CCDC33: variants seen among roughly 807,000 people sequenced by gnomAD.
The protein encoded by CCDC33 is coiled-coil domain containing 33, also known as coiled-coil domain-containing protein 33.
CCDC33 carries 94 observed loss-of-function variants against 91.9 expected under a neutral mutation model. The ratio of observed to expected loss-of-function variants is 1.02; its 90% CI spans 0.87 to 1.21. The LOEUF (loss-of-function observed/expected upper bound fraction) is 1.21. CCDC33 is among the 50% of genes most tolerant of loss of function. The probability of loss-of-function intolerance (pLI) is 0.00; values close to 1 mark genes in which losing one functional copy is unlikely to be tolerated. For missense variants in CCDC33, 940 were observed against 935.5 expected, an observed-to-expected ratio of 1.00 and a Z score of -0.06; for synonymous variants, 396 against 374.5, an observed-to-expected ratio of 1.06 and a Z score of -0.66.
intron 1 of CCDC33, among the ~76,000 whole-genome samples, chr15:74,205,677 C>T (rs2142103394): frequency 6.6e-6 from 1 of 152,340 alleles, no homozygotes; most frequent in East Asian, 1.9e-4. Context: ...GAAGGAGCCT[C>T]CATCTGCCCA....
chr15:74,270,151 G>C (rs1041025923), intron 5 of CCDC33, among the ~76,000 whole-genome samples: 1 of 152,210 alleles, frequency 6.6e-6, no homozygotes. Context: ...ACTATTGTAC[G>C]TGCCCATCAG....
At chr15:74,292,849 G>C (rs1489551786) in intron 10 of CCDC33, among the ~76,000 whole-genome samples, 1 of 152,160 alleles carries the variant, frequency 6.6e-6, no homozygotes, top group Non-Finnish European at 1.5e-5. Context: ...ACTCTGCCTT[G>C]CCTGCCCTCC....
chr15:74,216,058 G>T (rs116223916), upstream of CCDC33, among the ~76,000 whole-genome samples: 1,346 of 152,266 alleles, frequency 8.8e-3, 16 homozygotes, highest in African/African-American at 0.03. Context: ...TGGCCCTAGG[G>T]CAGAAGCAAC....
intron 11 of CCDC33, among the ~76,000 whole-genome samples, chr15:74,296,161 TC>T (rs2059682503): frequency 6.6e-6 from 1 of 152,232 alleles, no homozygotes; most frequent in Non-Finnish European, 1.5e-5. Context: ...TGAGTGGAAC[TC>T]CCGTGTAATT....
At chr15:74,305,260 G>A (rs2059872720) in intron 11 of CCDC33, among the ~76,000 whole-genome samples, 1 of 151,930 alleles carries the variant, frequency 6.6e-6, no homozygotes, top group African/African-American at 2.4e-5. Flanking sequence ...ACCTGCTTCT[G>A]AGGACTATGC....
intron 16 of CCDC33, chr15:74,333,240 G>C: frequency 2.5e-6 from 4 of 1,598,772 alleles, no homozygotes; most frequent in Non-Finnish European, 3.4e-6. Flanking sequence ...GGGGAGTTGG[G>C]AGCAGGAGGA....
chr15:74,264,490 T>C (rs1460555665), intron 3 of CCDC33, among the ~76,000 whole-genome samples: 1 of 152,060 alleles, frequency 6.6e-6, no homozygotes, highest in African/African-American at 2.4e-5. Context: ...CACACAGAGC[T>C]CCAGGAATAG....
At chr15:74,287,291 G>C (rs888766806) in intron 10 of CCDC33, among the ~76,000 whole-genome samples, 1 of 152,104 alleles carries the variant, frequency 6.6e-6, no homozygotes, top group African/African-American at 2.4e-5. Flanking sequence ...ACTACCATAA[G>C]GATGGATCCA....
chr15:74,336,412 G>A (rs1308607627), downstream of CCDC33: 1 of 1,310,050 alleles, frequency 7.6e-7, no homozygotes, highest in East Asian at 5.1e-5. Context: ...GAAATACGAG[G>A]GAGGCTTGTC....
intron 4 of CCDC33, among the ~76,000 whole-genome samples, chr15:74,267,213 CTG>C (rs1328983765): frequency 1.3e-5 from 2 of 152,212 alleles, no homozygotes; most frequent in Admixed American, 6.5e-5. Context: ...GGACTGGGAC[CTG>C]GGGAGAAAAA....
At chr15:74,221,337 A>G (rs570588341) in intron 2 of CCDC33, 11 of 978,582 alleles carry the variant, frequency 1.1e-5, no homozygotes, top group African/African-American at 5.3e-5. Context: ...CCAGAATGAG[A>G]AGGAAGCGGA....
At chr15:74,333,359 C>T (rs1199285489) in intron 16 of CCDC33, 1 of 1,490,534 alleles carries the variant, frequency 6.7e-7, no homozygotes, top group Non-Finnish European at 9.2e-7. Flanking sequence ...CCAGGCCCTG[C>T]TCCACCTCTG....
intron 9 of CCDC33, 25 bp downstream of exon 9, chr15:74,280,826 C>A: frequency 1.4e-6 from 2 of 1,446,646 alleles, no homozygotes; most frequent in Non-Finnish European, 1.8e-6. Context: ...CTGAACTGGG[C>A]CCCTAGCGTG....
rs1033897679 is a variant in CCDC33, at chr15:74,205,241, C to T, written n.89+2143C>T. Among the ~76,000 whole-genome samples, 5 of 152,076 alleles carry T rather than the reference C, an allele frequency of 3.3e-5. No homozygotes were observed. The East Asian group carries it at 9.6e-4, about 29-fold the overall frequency. Reference sequence around the variant, plus strand: ...AGTTGGGCACTGTGTTCATCTGTTTCGCATTGCTGTGAAGGAAAACCTGAC... The same window carrying T: ...AGTTGGGCACTGTGTTCATCTGTTTTGCATTGCTGTGAAGGAAAACCTGAC... On this transcript the variant is annotated intron_variant and non_coding_transcript_variant, in intron 1 of 3. Coordinates refer to the CCDC33 transcript ENST00000558645.
At chr15:74,323,002 C>T (rs1021601495) in intron 11 of CCDC33, among the ~76,000 whole-genome samples, 1 of 152,142 alleles carries the variant, frequency 6.6e-6, no homozygotes, top group Non-Finnish European at 1.5e-5. Flanking sequence ...AGAGTGAAGC[C>T]CCTCCCCGCT....
intron 2 of CCDC33, among the ~76,000 whole-genome samples, chr15:74,254,744 CT>C (rs756927130): frequency 1.8e-3 from 223 of 126,392 alleles, no homozygotes; most frequent in Non-Finnish European, 2.3e-3. Flanking sequence ...TACCCTCCTT[CT>C]TTTTTTTTTT....
intron 11 of CCDC33, among the ~76,000 whole-genome samples, chr15:74,312,929 C>T (rs1462334533): frequency 1.3e-5 from 2 of 152,230 alleles, no homozygotes; most frequent in Non-Finnish European, 2.9e-5. Context: ...GGCCTCAGCC[C>T]TCCAGAGGAA....
chr15:74,300,658 A>G (rs2142655075), intron 11 of CCDC33: 1 of 152,326 alleles, frequency 6.6e-6, no homozygotes, highest in African/African-American at 2.4e-5. Context: ...TTCCCTTCAG[A>G]TCCGACTTCA....
rs948739211 is a variant in CCDC33, at chr15:74,334,846, G to A, written c.2026-129G>A. The A allele has an allele frequency of 1.7e-5, 13 of 779,214 alleles. No individual in the cohort carries two copies. The African/African-American group carries it at 2.2e-4, about 13-fold the overall frequency. 48.3% of individuals were successfully genotyped at this position (779,214 alleles called of 1,614,324 possible). A position where few individuals can be genotyped will look rare whatever the true frequency, so the allele number is the denominator to read the frequency against. ...CCGCCACCCCTGAGGTCTCGGGAAG[G>A]TGTCAAGCCCACATGGCCCAGAGCT... On this transcript the variant is annotated intron_variant, in intron 17 of 18. Coordinates refer to ENST00000398814, the MANE Select transcript of CCDC33 (RefSeq NM_025055.5).
Sources: allele counts gnomAD v4.1 joint callset (sites outside exome capture counted in the v4.1 genomes callset), GRCh38; gene constraint gnomAD v4.1.1; transcripts MANE v1.5; gene names NCBI Gene and HGNC (gene_info 2026-07-23, HGNC 2026-07-21).